The following WBP4 variants were observed in gnomAD, a reference collection of about 807,000 sequenced individuals.
WBP4 encodes WW domain-binding protein 4.
Under a neutral mutation model 55.4 loss-of-function variants are expected in WBP4, and 37 were observed. The observed-to-expected ratio is 0.67, with a 90% confidence interval of 0.51 to 0.88. The LOEUF (loss-of-function observed/expected upper bound fraction) is 0.88, where lower values mean the gene tolerates loss of function less well. Among genes scored for constraint, WBP4 ranks in the 40% least tolerant of loss-of-function variants. The pLI, the probability that WBP4 is intolerant of heterozygous loss-of-function variation, is 0.00. For missense variants in WBP4, 398 were observed against 420.8 expected, an observed-to-expected ratio of 0.95 and a Z score of 0.47; for synonymous variants, 142 against 140.2, an observed-to-expected ratio of 1.01 and a Z score of -0.09.
At position 41,062,106 on chromosome 13, in the gene WBP4, T is replaced by TTG. The variant is rs1555284050; in HGVS notation, c.2+432_2+433insGT. The stretch of plus-strand genomic sequence containing the variant: ...CTGGATAGCGTAATGGTTTTTTTTT[T>TTG]TTTTTTTTTTTTTTTTTTGTCGGCC... On this transcript the variant is annotated intron_variant, in intron 1 of 9. Coordinates refer to ENST00000379487, the MANE Select transcript of WBP4 (RefSeq NM_007187.5). 71 of 956,032 alleles carry TTG rather than the reference T, an allele frequency of 7.4e-5. 2 individuals are homozygous for TTG. The African/African-American group carries it at 1.3e-3, about 18-fold the overall frequency. 59.2% of individuals were successfully genotyped at this position (956,032 alleles called of 1,614,324 possible). A position where few individuals can be genotyped will look rare whatever the true frequency, so the allele number is the denominator to read the frequency against.
At chr13:41,078,110 A>G (rs939565279) in intron 8 of WBP4, among the ~76,000 whole-genome samples, 32 of 152,308 alleles carry the variant, frequency 2.1e-4, no homozygotes, top group Admixed American at 5.2e-4. Flanking sequence ...CAAATTACCA[A>G]CTTCATTTTT....
intron 2 of WBP4, 38 bp from the exon 3 acceptor site, chr13:41,064,978 G>A: frequency 6.7e-7 from 1 of 1,501,986 alleles, no homozygotes; most frequent in Non-Finnish European, 8.9e-7. Flanking sequence ...TGATGTTTAT[G>A]TAGTTTTCTT....
At chr13:41,064,378 G>A (rs1813386497) in intron 2 of WBP4, among the ~76,000 whole-genome samples, 1 of 152,080 alleles carries the variant, frequency 6.6e-6, no homozygotes, top group South Asian at 2.1e-4. Flanking sequence ...TTGTACATGT[G>A]CAGGTATATC....
intron 2 of WBP4, 89 bp from the exon 3 acceptor site, chr13:41,064,927 T>C: frequency 8.3e-7 from 1 of 1,211,200 alleles, no homozygotes. Flanking sequence ...AATTTTAATT[T>C]TCTCATGTTT....
In WBP4 at chr13:41,062,119, T is replaced by G. The variant is rs1162633736; in HGVS notation, c.2+444T>G. 9.2e-6 allele frequency: 9 copies of G among 977,598 alleles called. 1 individual carries two copies. In the African/African-American group the frequency reaches 1.1e-4, roughly 12 times the overall value. The allele number at this position is 977,598 out of a possible 1,614,324, so 60.6% of individuals were successfully genotyped here. Reference sequence around the variant, plus strand: ...TGGTTTTTTTTTTTTTTTTTTTTTTTTTTTTGTCGGCCGTCTACGAAGTCC... The same window carrying G: ...TGGTTTTTTTTTTTTTTTTTTTTTTGTTTTTGTCGGCCGTCTACGAAGTCC... On this transcript the variant is annotated intron_variant, in intron 1 of 9. Coordinates refer to ENST00000379487, the MANE Select transcript of WBP4 (RefSeq NM_007187.5).
chr13:41,066,708 A>C (rs1877988760), intron 4 of WBP4, among the ~76,000 whole-genome samples: 1 of 152,220 alleles, frequency 6.6e-6, no homozygotes, highest in Non-Finnish European at 1.5e-5. Flanking sequence ...TAATTTATTT[A>C]ATCTTTTCCT....
intron 8 of WBP4, among the ~76,000 whole-genome samples, chr13:41,078,541 A>C (rs1878602792): frequency 6.6e-6 from 1 of 152,152 alleles, no homozygotes; most frequent in Non-Finnish European, 1.5e-5. Context: ...AAAACCCTAG[A>C]AGGAGGCCAG....
intron 6 of WBP4, 55 bp from the exon 7 acceptor site, chr13:41,072,727 C>G (rs998355648): frequency 6.5e-6 from 10 of 1,527,146 alleles, no homozygotes; most frequent in Non-Finnish European, 9.0e-6. Context: ...CTGAGTTATT[C>G]AATAGAAAAT....
intron 8 of WBP4, among the ~76,000 whole-genome samples, chr13:41,079,683 GTTA>G (rs1252393258): frequency 1.3e-5 from 2 of 152,098 alleles, no homozygotes; most frequent in Non-Finnish European, 2.9e-5. Context: ...AAGCAGAACT[GTTA>G]TTCAATCCAG....
intron 7 of WBP4, among the ~76,000 whole-genome samples, chr13:41,075,632 C>T (rs780289162): frequency 9.2e-5 from 14 of 152,142 alleles, no homozygotes; most frequent in South Asian, 2.1e-4. Context: ...CCTCCTACCT[C>T]GCCTTTTCAA....
At chr13:41,066,351 G>A (rs960581047) in intron 4 of WBP4, among the ~76,000 whole-genome samples, 2 of 152,118 alleles carry the variant, frequency 1.3e-5, no homozygotes, top group African/African-American at 4.8e-5. Flanking sequence ...CAACAATGCA[G>A]TACAAAGAAA....
chr13:41,068,316 GT>G (rs1035935934), intron 4 of WBP4, among the ~76,000 whole-genome samples: 4 of 152,048 alleles, frequency 2.6e-5, no homozygotes, highest in African/African-American at 9.7e-5. Context: ...ACTGCTGGCT[GT>G]TTTTTTAACC....
rs750289935 is a variant in WBP4 at position 41,071,589 on chromosome 13, T to C, written c.486+16T>C. ...CTTAAAAAAGGTAATTGAAGCATATTAATAGTGTTTTTGTTTTATTCTTTA... is the reference window on the plus strand; with the variant it reads ...CTTAAAAAAGGTAATTGAAGCATATCAATAGTGTTTTTGTTTTATTCTTTA... On this transcript the variant is annotated intron_variant, in intron 6 of 9. Coordinates refer to ENST00000379487, the MANE Select transcript of WBP4 (RefSeq NM_007187.5). The C allele has an allele frequency of 6.3e-7, 1 of 1,597,554 alleles. No homozygotes were observed. Among genetic ancestry groups the C allele is most frequent in the South Asian group, 1.1e-5 (1 of 87,318 alleles).
intron 9 of WBP4, among the ~76,000 whole-genome samples, chr13:41,082,029 G>C (rs1290816558): frequency 6.6e-6 from 1 of 152,166 alleles, no homozygotes; most frequent in Non-Finnish European, 1.5e-5. Context: ...GTACGGTACT[G>C]TGATAGGCTC....
chr13:41,067,994 TAATC>T (rs1290111913), intron 4 of WBP4, among the ~76,000 whole-genome samples: 1 of 151,874 alleles, frequency 6.6e-6, no homozygotes, highest in Admixed American at 6.6e-5. Flanking sequence ...CCCAAATAAT[TAATC>T]AGTTAATCTA....
At chr13:41,077,085 A>T (rs1351160940) in intron 8 of WBP4, among the ~76,000 whole-genome samples, 1 of 152,240 alleles carries the variant, frequency 6.6e-6, no homozygotes, top group African/African-American at 2.4e-5. Flanking sequence ...ATACTGGCAA[A>T]CTGAATCCAG....
At position 41,065,238 on chromosome 13, in the gene WBP4, T is replaced by C; in HGVS notation, c.213T>C (p.Ala71=). ...AGGAGTTTGCTGCAATGGAGGCAGCTGCCCTGAAAGCATACCAAGAGGATT... is the reference window on the plus strand; with the variant it reads ...AGGAGTTTGCTGCAATGGAGGCAGCCGCCCTGAAAGCATACCAAGAGGATT... ...ASKEFAAMEA[A]ALKAYQEDLK... Residue 71 remains alanine, a synonymous_variant, in exon 4 of 10, where the codon GCT becomes GCC. Transcript: ENST00000379487. 6.3e-7 allele frequency: 1 copy of C among 1,599,118 alleles called. No individual in the cohort carries two copies. Among genetic ancestry groups the C allele is most frequent in the Non-Finnish European group, 8.5e-7 (1 of 1,173,484 alleles).
chr13:41,080,520 T>C (rs1356093782), intron 8 of WBP4, 126 bp from the exon 9 acceptor site: 13 of 685,140 alleles, frequency 1.9e-5, no homozygotes, highest in Non-Finnish European at 2.6e-5. Flanking sequence ...TATTGTGTTA[T>C]GTGCAGATTT....
Position 41,076,062 on chromosome 13 carries a change from C to G in WBP4, c.581C>G (p.Pro194Arg), listed in dbSNP as rs778382918. Residue 194 changes from proline (P) to arginine (R), a missense_variant, in exon 8 of 10, where the codon CCT becomes CGT. Physicochemically the swap from Pro to Arg is moderately radical, Grantham distance 103. Coordinates refer to ENST00000379487, the MANE Select transcript of WBP4 (RefSeq NM_007187.5). Reference sequence around the variant, plus strand: ...TGAGCAGAATCCAGATGGGAGAAACCTGATGATTTCATTCCACACACTAGT... The same window carrying G: ...TGAGCAGAATCCAGATGGGAGAAACGTGATGATTTCATTCCACACACTAGT... ...TETGESRWEK[P>R]DDFIPHTSDL... 2.5e-6 allele frequency: 4 copies of G among 1,612,282 alleles called. No homozygotes were observed. The highest frequency in any genetic ancestry group is 3.4e-6 in the Non-Finnish European group (4 of 1,179,638).
Sources: allele counts gnomAD v4.1 joint callset (sites outside exome capture counted in the v4.1 genomes callset), GRCh38; gene constraint gnomAD v4.1.1; transcripts MANE v1.5; gene names NCBI Gene and HGNC (gene_info 2026-07-23, HGNC 2026-07-21).